The following SH2D4A variants were observed in gnomAD, a reference collection of about 807,000 sequenced individuals.
SH2D4A encodes the protein SH2 domain-containing protein 4A.
In SH2D4A, 70 loss-of-function variants were observed where a neutral mutation model predicts 64.7. The observed-to-expected ratio is 1.08, with a 90% CI of 0.89 to 1.32. The LOEUF (loss-of-function observed/expected upper bound fraction) is 1.32. Among genes scored for constraint, SH2D4A ranks in the 40% most tolerant of loss-of-function variants. The probability of loss-of-function intolerance (pLI) is 0.00; values close to 1 mark genes in which losing one functional copy is unlikely to be tolerated. For synonymous variants in SH2D4A, 268 were observed against 200.7 expected, an observed-to-expected ratio of 1.34 and a Z score of -2.83; for missense variants, 706 against 540.1, an observed-to-expected ratio of 1.31 and a Z score of -3.04.
chr8:19,316,857 T>C (rs1279479529), intron 1 of SH2D4A, among the ~76,000 whole-genome samples: 1 of 152,154 alleles, frequency 6.6e-6, no homozygotes, highest in Non-Finnish European at 1.5e-5. Context: ...GAGATGGGCA[T>C]AGTGATGGGC....
intron 4 of SH2D4A, among the ~76,000 whole-genome samples, chr8:19,348,701 T>G (rs1585167421): frequency 1.3e-5 from 2 of 152,212 alleles, no homozygotes; most frequent in African/African-American, 4.8e-5. Context: ...CAAAGTGTTA[T>G]TGAATAGCAA....
intron 4 of SH2D4A, among the ~76,000 whole-genome samples, chr8:19,339,064 G>A (rs932844487): frequency 3.9e-5 from 6 of 152,212 alleles, no homozygotes; most frequent in African/African-American, 1.2e-4. Context: ...GTCTGTGGCC[G>A]AAGGCCTTAG....
At chr8:19,317,330 T>G (rs1428490094) in intron 1 of SH2D4A, among the ~76,000 whole-genome samples, 1 of 134,884 alleles carries the variant, frequency 7.4e-6, no homozygotes, top group Non-Finnish European at 1.6e-5. Context: ...TTTTTTTGGC[T>G]GTTCAAGCCT....
chr8:19,361,399 T>G, intron 6 of SH2D4A, 85 bp downstream of exon 6: 79 of 1,289,874 alleles, frequency 6.1e-5, no homozygotes, highest in Middle Eastern at 1.9e-4. Flanking sequence ...AGAAAGCGCT[T>G]AATGTGGGTT....
chr8:19,394,481 C>T, intron 9 of SH2D4A, 69 bp from the exon 10 acceptor site: 1 of 1,112,500 alleles, frequency 9.0e-7, no homozygotes, highest in Non-Finnish European at 1.3e-6. Context: ...TAGTGATGTC[C>T]TCTGAGGAAG....
rs2053571729 is a variant in SH2D4A at position 19,395,369 on chromosome 8, G to T, written c.*727G>T. ...ACATGTATTTTTTTATTTTTTATCA[G>T]AAGTGCTTAGACAAGAACAGAATAA... On this transcript the variant is annotated 3_prime_UTR_variant, in exon 10 of 10. Coordinates refer to ENST00000265807, the MANE Select transcript of SH2D4A (RefSeq NM_022071.4). 1 of 152,148 alleles carries T rather than the reference G, an allele frequency of 6.6e-6. No homozygotes were observed. Among genetic ancestry groups the T allele is most frequent in the African/African-American group, 2.4e-5 (1 of 41,418 alleles). 9.4% of individuals were successfully genotyped at this position (152,148 alleles called of 1,614,324 possible). A position where few individuals can be genotyped will look rare whatever the true frequency, so the allele number is the denominator to read the frequency against.
At chr8:19,318,550 T>C (rs2052129296) in intron 1 of SH2D4A, among the ~76,000 whole-genome samples, 1 of 152,212 alleles carries the variant, frequency 6.6e-6, no homozygotes, top group African/African-American at 2.4e-5. Context: ...TGCGGTAAAG[T>C]CATATAAATG....
intron 8 of SH2D4A, among the ~76,000 whole-genome samples, 171 bp from the exon 9 acceptor site, chr8:19,393,147 A>G (rs1292012528): frequency 6.6e-6 from 1 of 152,198 alleles, no homozygotes; most frequent in Non-Finnish European, 1.5e-5. Flanking sequence ...CTAATTAGCA[A>G]ATACCAGAAG....
intron 8 of SH2D4A, among the ~76,000 whole-genome samples, chr8:19,383,025 A>T (rs1232676697): frequency 6.6e-6 from 1 of 151,710 alleles, no homozygotes; most frequent in South Asian, 2.1e-4. Flanking sequence ...ATTTGATTGT[A>T]TTATGTGTCA....
intron 5 of SH2D4A, among the ~76,000 whole-genome samples, chr8:19,359,992 T>C (rs534159555): frequency 5.9e-5 from 9 of 152,258 alleles, no homozygotes; most frequent in Non-Finnish European, 1.3e-4. Flanking sequence ...CCAAGGCTTT[T>C]ATTAGTCCAC....
At chr8:19,387,798 G>A (rs1351242868) in intron 8 of SH2D4A, among the ~76,000 whole-genome samples, 5 of 152,190 alleles carry the variant, frequency 3.3e-5, no homozygotes, top group African/African-American at 1.2e-4. Context: ...CAGTAGGGTT[G>A]TTCCTGCCTC....
chr8:19,387,868 A>G (rs1171256606), intron 8 of SH2D4A, among the ~76,000 whole-genome samples: 5 of 152,220 alleles, frequency 3.3e-5, no homozygotes, highest in African/African-American at 9.6e-5. Flanking sequence ...TGTGGCACAT[A>G]ATAAGCCCTA....
chr8:19,393,672 T>C (rs996068961), intron 9 of SH2D4A, 131 bp downstream of exon 9: 14 of 787,824 alleles, frequency 1.8e-5, no homozygotes, highest in Non-Finnish European at 2.6e-5. Context: ...GGCTTGTCTT[T>C]GATAATTCTT....
chr8:19,330,508 T>G (rs2052352044), intron 2 of SH2D4A, among the ~76,000 whole-genome samples: 1 of 152,194 alleles, frequency 6.6e-6, no homozygotes. Context: ...CTTTCTTGAC[T>G]CTGCTCCTCT....
intron 4 of SH2D4A, among the ~76,000 whole-genome samples, chr8:19,337,449 A>G (rs1254491745): frequency 6.6e-6 from 1 of 152,162 alleles, no homozygotes; most frequent in Non-Finnish European, 1.5e-5. Flanking sequence ...AGATGTAATT[A>G]AAGTAAAGGA....
intron 4 of SH2D4A, among the ~76,000 whole-genome samples, chr8:19,351,864 A>T (rs2052710505): frequency 6.6e-6 from 1 of 151,756 alleles, no homozygotes; most frequent in African/African-American, 2.4e-5. Context: ...GCTCACTGCA[A>T]CCTCTGCCTC....
chr8:19,316,511 C>T (rs892201187), intron 1 of SH2D4A, among the ~76,000 whole-genome samples: 1 of 152,166 alleles, frequency 6.6e-6, no homozygotes, highest in African/African-American at 2.4e-5. Flanking sequence ...GCAATGTCCA[C>T]ACCTGGGTCA....
chr8:19,318,515 T>G (rs1458699607), intron 1 of SH2D4A, among the ~76,000 whole-genome samples: 1 of 152,190 alleles, frequency 6.6e-6, no homozygotes, highest in Non-Finnish European at 1.5e-5. Flanking sequence ...CACTCTCGCT[T>G]TATGGTTTCT....
rs1271797962 is a variant in SH2D4A, at chr8:19,393,439, C to T, written c.1170C>T (p.Gly390=). ...CCCTGTCCTATCTGTCGGAGGACGGCTGTAAACATTTCCTCATCGATGCCT... is the reference window on the plus strand; with the variant it reads ...CCCTGTCCTATCTGTCGGAGGACGGTTGTAAACATTTCCTCATCGATGCCT... ...GYALSYLSED[G]CKHFLIDASA... is the part of the protein sequence containing the mutation. The change falls in exon 9 of 10, where the codon GGC becomes GGT. Residue 390 remains glycine, a synonymous_variant. Transcript: ENST00000265807. 6.2e-7 allele frequency: 1 copy of T among 1,614,266 alleles called. No homozygotes were observed.
Sources: allele counts gnomAD v4.1 joint callset (sites outside exome capture counted in the v4.1 genomes callset), GRCh38; gene constraint gnomAD v4.1.1; transcripts MANE v1.5; gene names NCBI Gene and HGNC (gene_info 2026-07-23, HGNC 2026-07-21).